LRRC37A2: variants seen among roughly 807,000 people sequenced by gnomAD.
LRRC37A2 encodes leucine rich repeat containing 37 member A2, also known as leucine-rich repeat-containing protein 37A2.
In LRRC37A2, 9 loss-of-function variants were observed where a neutral mutation model predicts 68.8. The observed-to-expected ratio is 0.13, with a 90% CI of 0.08 to 0.23. The LOEUF (loss-of-function observed/expected upper bound fraction) is 0.23. Ranked by LOEUF, LRRC37A2 falls within the 10% of genes least tolerant of loss-of-function variation. The pLI is 1.00. For missense variants in LRRC37A2, 168 were observed against 950.4 expected, an observed-to-expected ratio of 0.18 and a Z score of 10.82; for synonymous variants, 63 against 367.6, an observed-to-expected ratio of 0.17 and a Z score of 9.48.
the LRRC37A2 span, chr17:46,755,378 A>G: frequency 2.5e-6 from 4 of 1,610,192 alleles, no homozygotes; most frequent in African/African-American, 1.3e-5. Context: ...GCGTAAGTAC[A>G]TACAACATTT....
the LRRC37A2 span, among the ~76,000 whole-genome samples, chr17:46,495,658 T>C: frequency 6.6e-6 from 1 of 150,850 alleles, no homozygotes; most frequent in Non-Finnish European, 1.5e-5. Flanking sequence ...GTGATGGGAC[T>C]ACAGGCATGA....
chr17:46,837,508 T>A, the LRRC37A2 span, among the ~76,000 whole-genome samples: 1 of 152,284 alleles, frequency 6.6e-6, no homozygotes. Context: ...TAGAACCCCA[T>A]GCAAGAGCTG....
the LRRC37A2 span, among the ~76,000 whole-genome samples, chr17:46,720,750 T>A: frequency 1.3e-5 from 2 of 152,226 alleles, no homozygotes; most frequent in Admixed American, 1.3e-4. Flanking sequence ...AACTAGGTAC[T>A]TCACGCCAAG....
At chr17:46,938,492 T>C in the LRRC37A2 span, 19 of 1,565,146 alleles carry the variant, frequency 1.2e-5, no homozygotes, top group Non-Finnish European at 1.5e-5. Context: ...ATTCTGGGCA[T>C]GACCAAGAGA....
the LRRC37A2 span, among the ~76,000 whole-genome samples, chr17:46,987,071 C>T: frequency 3.2e-4 from 49 of 152,130 alleles, no homozygotes; most frequent in Non-Finnish European, 2.9e-4. Flanking sequence ...CACGGTGGCC[C>T]GTCTCTACTA....
At chr17:46,998,294 C>G in the LRRC37A2 span, among the ~76,000 whole-genome samples, 4 of 152,284 alleles carry the variant, frequency 2.6e-5, no homozygotes, top group East Asian at 7.7e-4. Context: ...AATCCCGGCT[C>G]GGCCGTGAGT....
At chr17:46,899,991 C>T in the LRRC37A2 span, among the ~76,000 whole-genome samples, 5 of 151,178 alleles carry the variant, frequency 3.3e-5, no homozygotes, top group African/African-American at 7.3e-5. Flanking sequence ...ACTCAACCCC[C>T]GTGAGTCTCA....
the LRRC37A2 span, among the ~76,000 whole-genome samples, chr17:46,799,752 T>G: frequency 6.6e-6 from 1 of 152,148 alleles, no homozygotes; most frequent in Non-Finnish European, 1.5e-5. Flanking sequence ...CTAGCCAGTT[T>G]CTGTCTGTTA....
chr17:46,810,800 C>A, the LRRC37A2 span, among the ~76,000 whole-genome samples: 1 of 152,106 alleles, frequency 6.6e-6, no homozygotes, highest in East Asian at 1.9e-4. Context: ...AGCAGCTTAT[C>A]CAACTCTCCT....
At chr17:46,895,027 G>C in the LRRC37A2 span, among the ~76,000 whole-genome samples, 1 of 152,208 alleles carries the variant, frequency 6.6e-6, no homozygotes, top group African/African-American at 2.4e-5. Flanking sequence ...GCCGGATCTC[G>C]GCAGAGCAGA....
chr17:46,790,055 T>A, the LRRC37A2 span, among the ~76,000 whole-genome samples: 1 of 152,108 alleles, frequency 6.6e-6, no homozygotes, highest in Admixed American at 6.5e-5. Flanking sequence ...TTCAAAGCGC[T>A]GGCTGCCCCT....
the LRRC37A2 span, among the ~76,000 whole-genome samples, chr17:47,035,871 T>A: frequency 6.6e-6 from 1 of 152,164 alleles, no homozygotes; most frequent in Non-Finnish European, 1.5e-5. Flanking sequence ...TAAAGTAGTA[T>A]CTCGCTGCAG....
chr17:46,828,489 C>G, the LRRC37A2 span, among the ~76,000 whole-genome samples: 3 of 152,124 alleles, frequency 2.0e-5, no homozygotes, highest in African/African-American at 7.2e-5. Context: ...AGGCATGAGT[C>G]ACCACGCCCT....
chr17:46,953,309 G>C, the LRRC37A2 span, among the ~76,000 whole-genome samples: 2 of 151,340 alleles, frequency 1.3e-5, no homozygotes, highest in Non-Finnish European at 2.9e-5. Flanking sequence ...TTGGTTTTTT[G>C]TCCTTGCAAT....
chr17:46,405,734 T>A, the LRRC37A2 span, among the ~76,000 whole-genome samples: 1 of 70,084 alleles, frequency 1.4e-5, no homozygotes, highest in South Asian at 6.9e-4. Context: ...TGAGACTCCA[T>A]CTCAAAAAAA....
the LRRC37A2 span, among the ~76,000 whole-genome samples, chr17:46,907,748 G>T: frequency 2.4e-4 from 35 of 145,648 alleles, no homozygotes; most frequent in African/African-American, 8.8e-4. Context: ...GCTACTCAGC[G>T]GGGGGGGTGA....
chr17:46,861,644 G>A, the LRRC37A2 span, among the ~76,000 whole-genome samples: 1 of 152,156 alleles, frequency 6.6e-6, no homozygotes, highest in Non-Finnish European at 1.5e-5. Flanking sequence ...ACATGAGCTG[G>A]GGGCATAGGG....
chr17:46,895,710 C>A, the LRRC37A2 span, among the ~76,000 whole-genome samples: 2 of 152,198 alleles, frequency 1.3e-5, no homozygotes, highest in African/African-American at 4.8e-5. Context: ...ATGGCAGGTC[C>A]TGTTACTCCC....
chr17:47,009,463 G>A, the LRRC37A2 span, among the ~76,000 whole-genome samples: 1 of 152,174 alleles, frequency 6.6e-6, no homozygotes, highest in Non-Finnish European at 1.5e-5. Flanking sequence ...TGGGGAGCTG[G>A]GGGTGGAGGG....
Sources: gnomAD v4.1 joint callset for allele counts (sites outside exome capture counted in the v4.1 genomes callset) on GRCh38, gnomAD v4.1.1 for gene constraint, MANE v1.5 for transcripts, NCBI Gene and HGNC (gene_info 2026-07-23, HGNC 2026-07-21) for gene names.